EGF: variants seen among roughly 807,000 people sequenced by gnomAD.
The protein encoded by EGF is pro-epidermal growth factor.
EGF carries 95 observed loss-of-function variants against 143.8 expected under a neutral mutation model. The ratio of observed to expected loss-of-function variants is 0.66; its 90% CI spans 0.56 to 0.78. EGF has a LOEUF of 0.78. Among genes scored for constraint, EGF ranks in the 30% least tolerant of loss-of-function variants. The pLI, the probability that EGF is intolerant of heterozygous loss-of-function variation, is 0.00. For missense variants in EGF, 1,320 were observed against 1,470.9 expected (o/e 0.90, Z 1.68); for synonymous variants, 510 against 510.5 (o/e 1.00, Z 0.01).
chr4:109,980,887 A>T lies in EGF; in HGVS notation c.2283A>T (p.Gly761=), dbSNP rs1657855825. ...AACATATTTGCAAAAAGAGGCTTGG[A>T]ACTGCTTGGTGTTCGTGTCGTGAAG... The part of the protein sequence containing the change: ...GCEHICKKRL[G]TAWCSCREGF... Residue 761 remains glycine, a synonymous_variant, in exon 15 of 24, where the codon GGA becomes GGT. Coordinates refer to ENST00000265171, the MANE Select transcript of EGF (RefSeq NM_001963.6). 6.2e-7 allele frequency: 1 copy of T among 1,614,094 alleles called. No individual in the cohort carries two copies. The highest frequency in any genetic ancestry group is 8.5e-7 in the Non-Finnish European group (1 of 1,179,972).
chr4:109,934,457 A>G (rs1339366319), intron 1 of EGF, among the ~76,000 whole-genome samples: 4 of 152,136 alleles, frequency 2.6e-5, no homozygotes, highest in Admixed American at 2.6e-4. Flanking sequence ...TATTCTAGAT[A>G]TTAGTCCTTT....
At chr4:109,985,747 C>T (rs983210757) in intron 16 of EGF, among the ~76,000 whole-genome samples, 2 of 152,214 alleles carry the variant, frequency 1.3e-5, no homozygotes, top group African/African-American at 4.8e-5. Context: ...TTATGCAAAA[C>T]AGCAGAGCCT....
intron 21 of EGF, among the ~76,000 whole-genome samples, chr4:110,003,855 G>C (rs539509220): frequency 6.6e-6 from 1 of 152,272 alleles, no homozygotes; most frequent in South Asian, 2.1e-4. Context: ...CACTCCTTCT[G>C]TCTTTGCCTC....
chr4:109,993,052 A>T (rs989462426), intron 18 of EGF, among the ~76,000 whole-genome samples, 195 bp from the exon 19 acceptor site: 7 of 152,050 alleles, frequency 4.6e-5, no homozygotes, highest in East Asian at 1.9e-4. Context: ...CATATGTAAC[A>T]AACCTGCACC....
intron 21 of EGF, among the ~76,000 whole-genome samples, chr4:110,000,739 T>C (rs1295731635): frequency 6.6e-6 from 1 of 152,226 alleles, no homozygotes; most frequent in Non-Finnish European, 1.5e-5. Context: ...CTTCCTCTAT[T>C]ATCATCAATA....
At chr4:110,010,077 G>A (rs1217216480) in intron 23 of EGF, among the ~76,000 whole-genome samples, 1 of 152,090 alleles carries the variant, frequency 6.6e-6, no homozygotes, top group Non-Finnish European at 1.5e-5. Flanking sequence ...TGTCTCTATG[G>A]TGGAACGCTG....
intron 11 of EGF, among the ~76,000 whole-genome samples, chr4:109,972,165 G>C (rs1183490968): frequency 1.3e-5 from 2 of 152,122 alleles, no homozygotes; most frequent in Non-Finnish European, 1.5e-5. Flanking sequence ...GTTAGAGAGA[G>C]AAGGACACAC....
At chr4:109,954,045 TTTTA>T (rs59333088) in intron 5 of EGF, among the ~76,000 whole-genome samples, 3 of 152,116 alleles carry the variant, frequency 2.0e-5, no homozygotes, top group East Asian at 1.9e-4. Context: ...GTTAAAAGCA[TTTTA>T]TTTATTTATT....
At chr4:109,938,289 T>C (rs560273867) in intron 1 of EGF, among the ~76,000 whole-genome samples, 30 of 152,246 alleles carry the variant, frequency 2.0e-4, no homozygotes, top group Non-Finnish European at 4.0e-4. Context: ...ACATCCTTTC[T>C]TCCGCTCGAT....
At chr4:109,954,570 A>C (rs920476944) in intron 5 of EGF, among the ~76,000 whole-genome samples, 6 of 152,000 alleles carry the variant, frequency 3.9e-5, no homozygotes, top group Admixed American at 3.3e-4. Context: ...TATACTGTTC[A>C]GTTTGAGAAG....
intron 5 of EGF, among the ~76,000 whole-genome samples, chr4:109,945,579 CGAAA>C (rs34678383): frequency 1.3e-5 from 2 of 150,894 alleles, no homozygotes; most frequent in East Asian, 1.9e-4. Flanking sequence ...TCTACAAAAA[CGAAA>C]GAAAGAAAGA....
chr4:109,925,576 T>C (rs929376672), intron 1 of EGF, among the ~76,000 whole-genome samples: 2 of 152,220 alleles, frequency 1.3e-5, no homozygotes, highest in African/African-American at 4.8e-5. Context: ...GTCAATAGTA[T>C]TGGAGCCAAT....
Position 109,988,720 on chromosome 4 carries a change from A to G in EGF, c.2734+11A>G. 6.2e-7 allele frequency: 1 copy of G among 1,613,744 alleles called. No individual in the cohort carries two copies. The highest frequency in any genetic ancestry group is 8.5e-7 in the Non-Finnish European group (1 of 1,179,788). Reference sequence around the variant, plus strand: ...GGATTCACTGTCTTGGTAAGAGGACACATGTGCTGGGGAGGAGGGCAGAGG... The same window carrying G: ...GGATTCACTGTCTTGGTAAGAGGACGCATGTGCTGGGGAGGAGGGCAGAGG... On this transcript the variant is annotated intron_variant, in intron 18 of 23. Transcript: ENST00000265171.
intron 1 of EGF, among the ~76,000 whole-genome samples, chr4:109,917,143 G>A (rs1184800581): frequency 6.6e-6 from 1 of 152,136 alleles, no homozygotes; most frequent in East Asian, 1.9e-4. Context: ...GAAAGTGATA[G>A]CGATTATTTC....
intron 20 of EGF, among the ~76,000 whole-genome samples, chr4:109,999,095 G>A (rs944922889): frequency 5.3e-5 from 8 of 152,226 alleles, no homozygotes; most frequent in African/African-American, 1.9e-4. Flanking sequence ...TCTCATTGAA[G>A]AAAATAGGCA....
chr4:109,915,598 G>A (rs1736505069), intron 1 of EGF, among the ~76,000 whole-genome samples: 1 of 152,230 alleles, frequency 6.6e-6, no homozygotes, highest in South Asian at 2.1e-4. Flanking sequence ...CATGTTAGCT[G>A]ATAACTGCCT....
chr4:109,925,902 G>A (rs538218346), intron 1 of EGF, among the ~76,000 whole-genome samples: 3 of 152,266 alleles, frequency 2.0e-5, no homozygotes, highest in Non-Finnish European at 4.4e-5. Flanking sequence ...ACAGCAAGAC[G>A]TGTGGCAAAG....
chr4:109,999,863 T>C lies in EGF; in HGVS notation c.3173+17T>C. On this transcript the variant is annotated intron_variant, in intron 21 of 23. Transcript: ENST00000265171. The stretch of plus-strand genomic sequence containing the variant: ...CTACTACAGGTGACCCTGTCTTTCC[T>C]TTGGTACTGGAAACCTCTTTCTAAG... 1.2e-6 allele frequency: 2 copies of C among 1,612,720 alleles called. No homozygotes were observed. Among genetic ancestry groups the C allele is most frequent in the Non-Finnish European group, 1.7e-6 (2 of 1,179,996 alleles).
rs1253795861 is a variant in EGF, at chr4:109,976,200, G to A, written c.2018G>A (p.Gly673Asp). Residue 673 changes from glycine (G) to aspartate (D), a missense_variant, in exon 13 of 24, where the codon GGT becomes GAT. Around this residue, in one of 5 missense-constraint regions of EGF, gnomAD observed 1,186 missense variants for 1,313.7 expected, o/e 0.90. Coordinates refer to ENST00000265171, the MANE Select transcript of EGF (RefSeq NM_001963.6). ...QSVIEMANLD[G>D]SKRRRLTQND... ...GTGATTGAAATGGCCAATCTGGATG[G>A]TTCAAAACGCCGAAGACTTACCCAG... is the stretch of plus-strand genomic sequence containing the variant. 2.5e-6 allele frequency: 4 copies of A among 1,614,084 alleles called. No homozygotes were observed. The South Asian group carries it at 4.4e-5, about 18-fold the overall frequency.
Sources: gnomAD v4.1 joint callset for allele counts (sites outside exome capture counted in the v4.1 genomes callset) on GRCh38, gnomAD v4.1.1 for gene constraint, gnomAD v4.1.1 regional missense constraint, MANE v1.5 for transcripts, NCBI Gene and HGNC (gene_info 2026-07-23, HGNC 2026-07-21) for gene names.